BRCC3: variants seen among roughly 807,000 people sequenced by gnomAD.
BRCC3 encodes lys-63-specific deubiquitinase BRCC36.
A neutral mutation model predicts 28.0 loss-of-function variants in BRCC3; 15 were observed. The observed-to-expected ratio is 0.54, with a 90% CI of 0.36 to 0.82. The LOEUF (loss-of-function observed/expected upper bound fraction) is 0.82, where lower values mean the gene tolerates loss of function less well. Ranked by LOEUF, BRCC3 falls within the 40% of genes least tolerant of loss-of-function variation. The pLI is 0.01. For missense variants in BRCC3, 109 were observed against 225.9 expected, an observed-to-expected ratio of 0.48 and a Z score of 3.32; for synonymous variants, 66 against 80.3, an observed-to-expected ratio of 0.82 and a Z score of 0.95.
chrX:155,121,695 A>G lies in BRCC3; in HGVS notation c.*491A>G, dbSNP rs2074389149. 1 of 112,665 alleles carries G rather than the reference A, an allele frequency of 8.9e-6. No individual in the cohort carries two copies. The highest frequency in any genetic ancestry group is 3.2e-5 in the African/African-American group (1 of 31,033). The allele number at this position is 112,665 out of a possible 1,213,427, so 9.3% of individuals were successfully genotyped here. A position where few individuals can be genotyped will look rare whatever the true frequency, so the allele number is the denominator to read the frequency against. ...GACTTTGCCCCGAAAGCACATCCAT[A>G]AAAGACAAAATCTGATATATTGGAC... is the stretch of plus-strand genomic sequence containing the variant. On this transcript the variant is annotated 3_prime_UTR_variant, in exon 11 of 11. Transcript: ENST00000330045.
chrX:155,107,221 T>C, intron 7 of BRCC3, among the ~76,000 whole-genome samples: 1 of 112,023 alleles, frequency 8.9e-6, no homozygotes, highest in Non-Finnish European at 1.9e-5. Context: ...GTATATTTTT[T>C]GTCTTTCATT....
At chrX:155,119,747 C>T (rs1206327730) in intron 9 of BRCC3, among the ~76,000 whole-genome samples, 2 of 111,786 alleles carry the variant, frequency 1.8e-5, no homozygotes, top group African/African-American at 6.5e-5. Context: ...CCTCTTTCTG[C>T]CAGGCTTCCC....
At chrX:155,093,881 A>G (rs2074192048) in intron 7 of BRCC3, among the ~76,000 whole-genome samples, 1 of 109,568 alleles carries the variant, frequency 9.1e-6, no homozygotes, top group Non-Finnish European at 1.9e-5. Context: ...GCTTTTTAAA[A>G]TTTTATCTTC....
intron 9 of BRCC3, 147 bp from the exon 10 acceptor site, chrX:155,119,852 A>G: frequency 2.3e-6 from 1 of 442,807 alleles, no homozygotes; most frequent in Non-Finnish European, 3.7e-6. Context: ...ATAGTTTACC[A>G]GTCCTACTTA....
intron 7 of BRCC3, among the ~76,000 whole-genome samples, chrX:155,101,000 C>A (rs1216512886): frequency 9.1e-6 from 1 of 110,330 alleles, no homozygotes; most frequent in Non-Finnish European, 1.9e-5. Flanking sequence ...CTCAAGGGAT[C>A]CTCCCTCGTC....
At chrX:155,085,854 T>C (rs1349287967) in intron 5 of BRCC3, among the ~76,000 whole-genome samples, 3 of 111,688 alleles carry the variant, frequency 2.7e-5, no homozygotes, top group Non-Finnish European at 5.6e-5. Flanking sequence ...ATTTGCTGGG[T>C]AGGTCCATGG....
At chrX:155,109,085 A>T (rs1291222618) in intron 7 of BRCC3, among the ~76,000 whole-genome samples, 2 of 111,184 alleles carry the variant, frequency 1.8e-5, no homozygotes, top group Non-Finnish European at 3.8e-5. Context: ...GGCACCATTT[A>T]TTGCTGCCTT....
chrX:155,097,979 C>CA (rs1336254303), intron 7 of BRCC3, among the ~76,000 whole-genome samples: 164 of 109,210 alleles, frequency 1.5e-3, no homozygotes, highest in African/African-American at 3.0e-3. Context: ...GTCTCAAAAA[C>CA]AAAAAAAAAG....
chrX:155,114,855 T>C (rs1557298527), intron 7 of BRCC3, among the ~76,000 whole-genome samples: 1 of 111,813 alleles, frequency 8.9e-6, no homozygotes, highest in Non-Finnish European at 1.9e-5. Context: ...CCTAAAGAGA[T>C]AATGGCTAAG....
chrX:155,118,078 C>T (rs1232154892), intron 9 of BRCC3, among the ~76,000 whole-genome samples: 2 of 111,938 alleles, frequency 1.8e-5, no homozygotes, highest in African/African-American at 6.5e-5. Flanking sequence ...TAGGTATATA[C>T]GTCAAAGAAT....
rs111363194 is a variant in BRCC3, at chrX:155,071,542, G to A, written c.15G>A (p.Val5=). MAVQ[V]VQAVQAVHLE... ...GTCGGGCCAAGATGGCGGTGCAGGTGGTGCAGGCGGTGCAGGCGGTTCATC... is the reference window on the plus strand; with the variant it reads ...GTCGGGCCAAGATGGCGGTGCAGGTAGTGCAGGCGGTGCAGGCGGTTCATC... The change falls in exon 1 of 11, where the codon GTG becomes GTA. Residue 5 remains valine (V), a synonymous_variant. Transcript: ENST00000330045. The A allele has an allele frequency of 2.2e-5, 26 of 1,195,036 alleles. No individual in the cohort carries two copies. The highest frequency in any genetic ancestry group is 2.1e-4 in the African/African-American group (12 of 57,727).
chrX:155,117,017 G>A (rs1193082781), intron 9 of BRCC3, among the ~76,000 whole-genome samples: 1 of 112,083 alleles, frequency 8.9e-6, no homozygotes, highest in Non-Finnish European at 1.9e-5. Flanking sequence ...GTGATATACT[G>A]GCACACATTT....
chrX:155,116,650 G>A (rs1280667373), intron 8 of BRCC3, 61 bp from the exon 9 acceptor site: 1 of 819,936 alleles, frequency 1.2e-6, no homozygotes, highest in African/African-American at 2.0e-5. Context: ...TATAGTCCAT[G>A]ACCATTTTGC....
chrX:155,082,606 T>TG (rs1267220532), intron 5 of BRCC3, among the ~76,000 whole-genome samples: 1 of 112,617 alleles, frequency 8.9e-6, no homozygotes, highest in African/African-American at 3.2e-5. Flanking sequence ...TGTGCACACA[T>TG]GCTATTTGAG....
In BRCC3 at chrX:155,123,015, CAAAT is replaced by C. The variant is rs1188955452; in HGVS notation, c.*1812_*1815del. ...GAAGTTGTATGGACCTACATACACA[CAAAT>C]GAATGCATGTAAAATCTGGTGATAC... is the stretch of plus-strand genomic sequence containing the variant. On this transcript the variant is annotated 3_prime_UTR_variant, in exon 11 of 11. Transcript: ENST00000330045. 1 of 111,092 alleles carries C rather than the reference CAAAT, an allele frequency of 9.0e-6. No homozygotes were observed. The highest frequency in any genetic ancestry group is 1.9e-5 in the Non-Finnish European group (1 of 52,985). 9.2% of individuals were successfully genotyped at this position (111,092 alleles called of 1,213,427 possible). A position where few individuals can be genotyped will look rare whatever the true frequency, so the allele number is the denominator to read the frequency against.
intron 7 of BRCC3, among the ~76,000 whole-genome samples, chrX:155,107,324 T>A (rs114681062): frequency 0.03 from 3,281 of 110,537 alleles, 139 homozygotes; most frequent in African/African-American, 0.1. Flanking sequence ...TTATTTATTT[T>A]TTTTTTTAAA....
At chrX:155,112,839 C>T (rs782742189) in intron 7 of BRCC3, among the ~76,000 whole-genome samples, 140 of 111,581 alleles carry the variant, frequency 1.3e-3, no homozygotes, top group African/African-American at 4.3e-3. Context: ...ATTTTATTTC[C>T]GTATACTAAC....
chrX:155,079,454 A>T (rs1301977985), intron 5 of BRCC3, among the ~76,000 whole-genome samples: 1 of 111,909 alleles, frequency 8.9e-6, no homozygotes, highest in Non-Finnish European at 1.9e-5. Flanking sequence ...CTACACTGTG[A>T]TACGAATGGC....
Position 155,122,638 on chromosome X carries a change from C to G in BRCC3, c.*1434C>G, listed in dbSNP as rs2074394598. On this transcript the variant is annotated 3_prime_UTR_variant, in exon 11 of 11. Coordinates refer to ENST00000330045, the MANE Select transcript of BRCC3 (RefSeq NM_001018055.3). The stretch of plus-strand genomic sequence containing the variant: ...ACAGGTACATGGTTAAACAAACCAT[C>G]CATAACTTGGAATACTGCTCTGGAA... 1 of 111,291 alleles carries G rather than the reference C, an allele frequency of 9.0e-6. No homozygotes were observed. Among genetic ancestry groups the G allele is most frequent in the South Asian group, 3.8e-4 (1 of 2,625 alleles). The allele number at this position is 111,291 out of a possible 1,213,427, so 9.2% of individuals were successfully genotyped here. A position where few individuals can be genotyped will look rare whatever the true frequency, so the allele number is the denominator to read the frequency against.
Sources: gnomAD v4.1 joint callset for allele counts (sites outside exome capture counted in the v4.1 genomes callset) on GRCh38, gnomAD v4.1.1 for gene constraint, MANE v1.5 for transcripts, NCBI Gene and HGNC (gene_info 2026-07-23, HGNC 2026-07-21) for gene names.